KLHL25: variants seen among roughly 807,000 people sequenced by gnomAD.
KLHL25 encodes kelch-like protein 25.
A neutral mutation model predicts 30.0 loss-of-function variants in KLHL25; 41 were observed. The observed-to-expected ratio is 1.37, with a 90% confidence interval of 1.07 to 1.78. The LOEUF is 1.78. Ranked by LOEUF, KLHL25 falls within the 40% of genes most tolerant of loss-of-function variation. KLHL25 has a pLI of 0.00. For missense variants in KLHL25, 971 were observed against 824.5 expected (o/e 1.18, Z -2.18); for synonymous variants, 399 against 355.3 (o/e 1.12, Z -1.38).
intron 1 of KLHL25, among the ~76,000 whole-genome samples, chr15:85,786,073 G>GC (rs1237691153): frequency 6.8e-6 from 1 of 147,502 alleles, no homozygotes; most frequent in Non-Finnish European, 1.5e-5. Flanking sequence ...TCTAATAAAC[G>GC]CAAAAACTGC....
Position 85,769,508 on chromosome 15 carries a change from C to G in KLHL25, c.303G>C (p.Leu101=). 2 of 1,614,014 alleles carry G rather than the reference C, an allele frequency of 1.2e-6. No individual in the cohort carries two copies. Among genetic ancestry groups the G allele is most frequent in the Non-Finnish European group, 1.7e-6 (2 of 1,180,046 alleles). The change falls in exon 2 of 3, where the codon CTG becomes CTC. Residue 101 remains leucine (L), a synonymous_variant. Transcript: ENST00000337975. ...DNLHPEVLEL[L]LDFAYSSRIA... is the part of the protein sequence containing the mutation. ...TGCGTGAGGAGTAGGCAAAGTCCAG[C>G]AGCAGCTCCAGCACCTCCGGGTGCA...
At chr15:85,793,559 A>T (rs550777526) in intron 1 of KLHL25, among the ~76,000 whole-genome samples, 2 of 152,212 alleles carry the variant, frequency 1.3e-5, no homozygotes, top group East Asian at 3.9e-4. Flanking sequence ...AGATCAGCAC[A>T]CTGAGCATCA....
intron 2 of KLHL25, chr15:85,763,232 G>C (rs1217949681): frequency 6.6e-6 from 1 of 152,438 alleles, no homozygotes; most frequent in African/African-American, 2.4e-5. Flanking sequence ...GGAGCAAGGG[G>C]CTGCCCTGGA....
intron 2 of KLHL25, 82 bp downstream of exon 2, chr15:85,767,935 T>C (rs893572884): frequency 2.2e-6 from 2 of 925,344 alleles, no homozygotes; most frequent in East Asian, 5.3e-5. Flanking sequence ...CACGGTGACC[T>C]TCACCCAGTG....
intron 1 of KLHL25, among the ~76,000 whole-genome samples, chr15:85,794,468 G>A (rs535901694): frequency 6.6e-6 from 1 of 152,356 alleles, no homozygotes; most frequent in South Asian, 2.1e-4. Flanking sequence ...ACCACTCCCT[G>A]GGGAAAGAGT....
chr15:85,790,984 G>A (rs923130239), intron 1 of KLHL25, among the ~76,000 whole-genome samples: 10 of 150,986 alleles, frequency 6.6e-5, no homozygotes, highest in Non-Finnish European at 1.2e-4. Flanking sequence ...GGTGGATCAC[G>A]AGGTCAGGAG....
chr15:85,769,192 C>T lies in KLHL25; in HGVS notation c.619G>A (p.Glu207Lys), dbSNP rs545372352. The T allele has an allele frequency of 4.1e-5, 66 of 1,613,610 alleles. No homozygotes were observed. Among genetic ancestry groups the T allele is most frequent in the East Asian group, 3.6e-4 (16 of 44,874 alleles). Residue 207 changes from glutamate (E) to lysine (K), a missense_variant, in exon 2 of 3, where the codon GAG (glutamate) becomes AAG (lysine). Transcript: ENST00000337975. ...AGGATGGCCTCGAAGACCACCCGCT[C>T]GTCCTCGGTCTCCAGCTCATCACTC... ...ISSDELETED[E>K]RVVFEAILQW...
At chr15:85,773,196 C>A (rs1318916540) in intron 1 of KLHL25, among the ~76,000 whole-genome samples, 2 of 152,236 alleles carry the variant, frequency 1.3e-5, no homozygotes, top group Non-Finnish European at 2.9e-5. Context: ...GACCTCAACA[C>A]CCAGGACAGA....
chr15:85,761,108 G>A (rs926021288), intron 2 of KLHL25, 97 bp from the exon 3 acceptor site: 1 of 152,310 alleles, frequency 6.6e-6, no homozygotes, highest in Non-Finnish European at 1.5e-5. Context: ...AGCTGCCCAT[G>A]AGGCTCGGGC....
intron 1 of KLHL25, among the ~76,000 whole-genome samples, chr15:85,783,713 G>C (rs1458663314): frequency 8.6e-5 from 11 of 128,048 alleles, no homozygotes; most frequent in Non-Finnish European, 1.4e-4. Context: ...AAAAAAAAAA[G>C]AATTTTAAAT....
intron 2 of KLHL25, chr15:85,763,879 C>G (rs2089599885): frequency 6.6e-6 from 1 of 152,304 alleles, no homozygotes; most frequent in Non-Finnish European, 1.5e-5. Flanking sequence ...CCAGGCACTG[C>G]CAGACGACAT....
chr15:85,782,551 C>T (rs958638169), intron 1 of KLHL25, among the ~76,000 whole-genome samples: 14 of 151,748 alleles, frequency 9.2e-5, no homozygotes, highest in African/African-American at 3.2e-4. Flanking sequence ...CTGCTCAGCC[C>T]CACACCCTCA....
intron 1 of KLHL25, among the ~76,000 whole-genome samples, chr15:85,786,511 G>A (rs2089782312): frequency 6.6e-6 from 1 of 152,224 alleles, no homozygotes; most frequent in African/African-American, 2.4e-5. Context: ...GGTGGCCACT[G>A]CCCCTTTCTG....
rs143874205 is a variant in KLHL25 at position 85,768,085 on chromosome 15, T to A, written c.1726A>T (p.Ile576Phe). Residue 576 changes from isoleucine (I) to phenylalanine (F), a missense_variant, in exon 2 of 3, where the codon ATC becomes TTC. Ile to Phe is a conservative substitution (Grantham distance 21, BLOSUM62 0). Transcript: ENST00000337975. The stretch of plus-strand genomic sequence containing the variant: ...CAGGTGCTGACAAAGGCCGTGGGGA[T>A]AAGTGAGTAGGGCACTGTGGTGATG... ...NCITTVPYSLIPTAFVSTWKH... is the reference protein window; with the variant it reads ...NCITTVPYSLFPTAFVSTWKH... 3 of 1,614,066 alleles carry A rather than the reference T, an allele frequency of 1.9e-6. No individual in the cohort carries two copies. The highest frequency in any genetic ancestry group is 2.2e-5 in the East Asian group (1 of 44,876).
Position 85,769,676 on chromosome 15 carries a change from G to A in KLHL25, c.135C>T (p.Phe45=). ...HLNTLRKHCM[F]TDVTLWAGDR... is the part of the protein sequence containing the mutation. ...CGCCCGCCCAGAGTGTGACGTCGGT[G>A]AACATGCAGTGCTTGCGAAGCGTGT... Residue 45 remains phenylalanine (F), a synonymous_variant, in exon 2 of 3, where the codon TTC becomes TTT. Transcript: ENST00000337975. 1 of 1,613,920 alleles carries A rather than the reference G, an allele frequency of 6.2e-7. No individual in the cohort carries two copies. Among genetic ancestry groups the A allele is most frequent in the Non-Finnish European group, 8.5e-7 (1 of 1,180,042 alleles).
At position 85,769,630 on chromosome 15, in the gene KLHL25, G is replaced by A. The variant is rs190000034; in HGVS notation, c.181C>T (p.Arg61Cys). ...CGGCTAGAGGCGGCCAGCACGGCAC[G>A]GTGACAGGGGAAGGCACGGTCGCCC... Reference protein sequence around the residue: ...WAGDRAFPCHRAVLAASSRYF... With the variant: ...WAGDRAFPCHCAVLAASSRYF... Residue 61 changes from arginine (R) to cysteine (C), a missense_variant, in exon 2 of 3, where the codon CGT becomes TGT. Physicochemically the swap from Arg to Cys is radical, Grantham distance 180. Transcript: ENST00000337975. The A allele has an allele frequency of 4.7e-5, 76 of 1,613,348 alleles. No individual in the cohort carries two copies. Among genetic ancestry groups the A allele is most frequent in the Middle Eastern group, 1.6e-4 (1 of 6,062 alleles).
chr15:85,768,733 C>G lies in KLHL25; in HGVS notation c.1078G>C (p.Val360Leu). ...CATTCCTCATGTACGGTGTCGTACA[C>G]CCAGACATCCTTGGAGACCCCGTTC... ...SENGVSKDVW[V>L]YDTVHEEWSK... Residue 360 changes from valine (V) to leucine (L), a missense_variant, in exon 2 of 3, where the codon GTG (valine) becomes CTG (leucine). Physicochemically the swap from Val to Leu is conservative, Grantham distance 32. Transcript: ENST00000337975. 6.2e-7 allele frequency: 1 copy of G among 1,613,332 alleles called. No homozygotes were observed. Among genetic ancestry groups the G allele is most frequent in the Non-Finnish European group, 8.5e-7 (1 of 1,179,922 alleles).
At chr15:85,787,633 G>A (rs911684562) in intron 1 of KLHL25, among the ~76,000 whole-genome samples, 1 of 152,204 alleles carries the variant, frequency 6.6e-6, no homozygotes, top group East Asian at 1.9e-4. Flanking sequence ...CAGGGAAAAT[G>A]AGGCATTACC....
chr15:85,782,954 G>A (rs944370440), intron 1 of KLHL25, among the ~76,000 whole-genome samples: 3 of 152,156 alleles, frequency 2.0e-5, no homozygotes, highest in African/African-American at 4.8e-5. Flanking sequence ...ACTGCTGAAT[G>A]AAATGGGGAT....
Sources: allele counts gnomAD v4.1 joint callset (sites outside exome capture counted in the v4.1 genomes callset), GRCh38; gene constraint gnomAD v4.1.1; transcripts MANE v1.5; gene names NCBI Gene and HGNC (gene_info 2026-07-23, HGNC 2026-07-21).